PRKG1: variants seen among roughly 807,000 people sequenced by gnomAD.
PRKG1 encodes the protein cGMP-dependent protein kinase 1.
Under a neutral mutation model 88.1 loss-of-function variants are expected in PRKG1, and 35 were observed. The observed-to-expected ratio is 0.40, with a 90% CI of 0.30 to 0.53. The LOEUF (loss-of-function observed/expected upper bound fraction) is 0.53, where lower values mean the gene tolerates loss of function less well. PRKG1 is among the 20% of genes least tolerant of loss of function. The pLI is 0.59. For missense variants in PRKG1, 540 were observed against 839.8 expected (o/e 0.64, Z 4.41); for synonymous variants, 303 against 292.5 (o/e 1.04, Z -0.37).
chr10:51,142,393 G>T (rs1159060541), intron 1 of PRKG1, among the ~76,000 whole-genome samples: 1 of 152,016 alleles, frequency 6.6e-6, no homozygotes, highest in East Asian at 1.9e-4. Context: ...TATTGCAGTG[G>T]ATTTGTTGAC....
intron 3 of PRKG1, among the ~76,000 whole-genome samples, chr10:51,601,947 A>C (rs1163575043): frequency 6.6e-6 from 1 of 151,772 alleles, no homozygotes; most frequent in Non-Finnish European, 1.5e-5. Flanking sequence ...ATTACAAAAA[A>C]TTTTAACCAG....
rs544378788 is a variant in PRKG1 at position 52,058,094 on chromosome 10, G to A, written c.840+3533G>A. Among the ~76,000 whole-genome samples the A allele has an allele frequency of 5.2e-3, 788 of 151,936 alleles. 4 individuals carry two copies. Among genetic ancestry groups the A allele is most frequent in the African/African-American group, 0.018 (751 of 41,512 alleles). On this transcript the variant is annotated intron_variant, in intron 6 of 17. Coordinates refer to ENST00000373980, the MANE Select transcript of PRKG1 (RefSeq NM_006258.4). ...ATTATTAAAATTTAATAAGAGTTTA[G>A]CAAAATCGGCATTATTCAGTTCATT...
chr10:51,764,388 T>C (rs1173771826), intron 3 of PRKG1, among the ~76,000 whole-genome samples: 1 of 152,116 alleles, frequency 6.6e-6, no homozygotes, highest in Admixed American at 6.5e-5. Flanking sequence ...ATAGCTTATG[T>C]TTTGGGGAGA....
chr10:52,018,091 CA>C (rs137960249), intron 5 of PRKG1, among the ~76,000 whole-genome samples: 2,057 of 152,188 alleles, frequency 0.014, 37 homozygotes, highest in Middle Eastern at 0.051. Flanking sequence ...GAGATCAACT[CA>C]GGGGTGACTT....
chr10:50,991,019 TA>T lies in PRKG1; in HGVS notation c.-359del, dbSNP rs201938144. ...CGCGCGCGTATTCTCACGGAGTGAC[TA>T]GGAGAGGGGGACGAGGGAGGGGGTC... On this transcript the variant is annotated 5_prime_UTR_variant, in exon 1 of 18. Transcript: ENST00000401604. The surrounding 1 kb of genome is among the most constrained non-coding windows in gnomAD (Gnocchi z 4.5). The T allele has an allele frequency of 0.015, 3,218 of 215,376 alleles. 97 individuals are homozygous for T. The highest frequency in any genetic ancestry group is 0.073 in the African/African-American group (2,990 of 40,958). The allele number at this position is 215,376 out of a possible 1,614,324, so 13.3% of individuals were successfully genotyped here.
At chr10:51,338,556 C>T (rs1355600140) in intron 2 of PRKG1, among the ~76,000 whole-genome samples, 1 of 152,120 alleles carries the variant, frequency 6.6e-6, no homozygotes, top group East Asian at 1.9e-4. Context: ...GGACCAGGGG[C>T]CATGGAACTT....
rs1447713467 is a variant in PRKG1 at position 51,698,157 on chromosome 10, G to C, written c.593-106428G>C. 14 of 1,613,910 alleles carry C rather than the reference G, an allele frequency of 8.7e-6. No individual in the cohort carries two copies. The South Asian group carries it at 1.4e-4, about 16-fold the overall frequency. ...CCAGTCATAGGGCCTCTTGAACTGGGGACAGGGCCCCTCATCTCCAATCCT... is the reference window on the plus strand; with the variant it reads ...CCAGTCATAGGGCCTCTTGAACTGGCGACAGGGCCCCTCATCTCCAATCCT... On this transcript the variant is annotated intron_variant, in intron 3 of 17. Coordinates refer to ENST00000373980, the MANE Select transcript of PRKG1 (RefSeq NM_006258.4).
intron 4 of PRKG1, among the ~76,000 whole-genome samples, chr10:51,821,815 G>T (rs1839753807): frequency 6.6e-6 from 1 of 152,034 alleles, no homozygotes; most frequent in Non-Finnish European, 1.5e-5. Flanking sequence ...CATGCATATG[G>T]TCAGTTGATC....
At chr10:51,433,117 G>GA (rs1222100847) in intron 2 of PRKG1, among the ~76,000 whole-genome samples, 2 of 152,062 alleles carry the variant, frequency 1.3e-5, no homozygotes, top group African/African-American at 4.8e-5. Flanking sequence ...GAGCTACATA[G>GA]AAAAAAGTTA....
chr10:51,257,035 T>A (rs12257648), intron 2 of PRKG1, among the ~76,000 whole-genome samples: 7,721 of 152,132 alleles, frequency 0.051, 369 homozygotes, highest in African/African-American at 0.13. Flanking sequence ...AAGCGATAAA[T>A]TTTGAAGAAT....
rs528888036 is a variant in PRKG1, at chr10:51,058,176, C to G, written c.266+66532C>G. ...CGAAATGCCTGTTCAAGTATTTTGCCCATTTCTCTATGGGGTTGTGTGTCT... is the reference window on the plus strand; with the variant it reads ...CGAAATGCCTGTTCAAGTATTTTGCGCATTTCTCTATGGGGTTGTGTGTCT... On this transcript the variant is annotated intron_variant, in intron 1 of 17. Transcript: ENST00000401604. 3.3e-5 allele frequency among the ~76,000 whole-genome samples: 5 copies of G among 152,100 alleles called. No individual in the cohort carries two copies. In the East Asian group the frequency reaches 9.6e-4, roughly 29 times the overall value.
At chr10:51,637,258 C>G (rs1276371119) in intron 3 of PRKG1, among the ~76,000 whole-genome samples, 1 of 151,890 alleles carries the variant, frequency 6.6e-6, no homozygotes, top group Non-Finnish European at 1.5e-5. Flanking sequence ...ATTAAAAAGT[C>G]AAAAAAACAA....
intron 9 of PRKG1, among the ~76,000 whole-genome samples, chr10:52,167,918 G>A (rs536829483): frequency 6.6e-6 from 1 of 152,046 alleles, no homozygotes; most frequent in East Asian, 1.9e-4. Flanking sequence ...TTCTTCTCTT[G>A]TCAAAATCTA....
intron 9 of PRKG1, among the ~76,000 whole-genome samples, chr10:52,215,314 A>T (rs530463301): frequency 6.6e-6 from 1 of 152,024 alleles, no homozygotes; most frequent in African/African-American, 2.4e-5. Flanking sequence ...GAATTTCTTG[A>T]ACCTGGAAGG....
intron 8 of PRKG1, among the ~76,000 whole-genome samples, chr10:52,142,745 T>C (rs184057115): frequency 5.3e-4 from 80 of 152,304 alleles, no homozygotes; most frequent in Admixed American, 4.2e-3. Flanking sequence ...GGGCCCTTAC[T>C]AGCTCACTCC....
chr10:52,263,106 A>T (rs996738116), intron 10 of PRKG1, among the ~76,000 whole-genome samples: 2 of 152,208 alleles, frequency 1.3e-5, no homozygotes, highest in Admixed American at 6.5e-5. Flanking sequence ...CATGATCCTA[A>T]TTTTTTAAAA....
At chr10:51,610,279 C>T (rs1838873248) in intron 3 of PRKG1, among the ~76,000 whole-genome samples, 1 of 152,076 alleles carries the variant, frequency 6.6e-6, no homozygotes, top group South Asian at 2.1e-4. Context: ...TCTCTTCATC[C>T]CCACTGCCAC....
intron 2 of PRKG1, among the ~76,000 whole-genome samples, chr10:51,195,948 G>A (rs1837753269): frequency 6.6e-6 from 1 of 152,146 alleles, no homozygotes; most frequent in Non-Finnish European, 1.5e-5. Flanking sequence ...TCTGGGTTGG[G>A]TAGAACACAT....
intron 2 of PRKG1, among the ~76,000 whole-genome samples, chr10:51,213,705 TA>T (rs1469493358): frequency 2.0e-5 from 3 of 152,188 alleles, no homozygotes; most frequent in African/African-American, 7.2e-5. Flanking sequence ...TAACTTATTT[TA>T]AAAAAGACTT....
Sources: gnomAD v4.1 joint callset for allele counts (sites outside exome capture counted in the v4.1 genomes callset) on GRCh38, gnomAD v4.1.1 for gene constraint, Gnocchi (gnomAD v3.1) non-coding constraint, MANE v1.5 for transcripts, NCBI Gene and HGNC (gene_info 2026-07-23, HGNC 2026-07-21) for gene names.